PHACTR3: variants seen among roughly 807,000 people sequenced by gnomAD.
PHACTR3 encodes protein phosphatase 1, regulatory subunit 123.
A neutral mutation model predicts 66.8 loss-of-function variants in PHACTR3; 16 were observed. The observed-to-expected ratio is 0.24, with a 90% CI of 0.16 to 0.36. The LOEUF is 0.36. Among genes scored for constraint, PHACTR3 ranks in the 10% least tolerant of loss-of-function variants. The pLI is 1.00. For missense variants in PHACTR3, 647 were observed against 719.9 expected (o/e 0.90, Z 1.16); for synonymous variants, 323 against 292.1 (o/e 1.11, Z -1.08).
intron 1 of PHACTR3, among the ~76,000 whole-genome samples, chr20:59,667,283 G>A (rs1235804865): frequency 2.0e-5 from 3 of 152,256 alleles, no homozygotes; most frequent in African/African-American, 7.2e-5. Context: ...CCCAGTGGGC[G>A]TGGCTGGCCC....
At chr20:59,704,671 C>A (rs1379211107) in intron 1 of PHACTR3, among the ~76,000 whole-genome samples, 1 of 129,362 alleles carries the variant, frequency 7.7e-6, no homozygotes, top group East Asian at 2.3e-4. Context: ...TTTTATTTGT[C>A]TGGATCTGCC....
chr20:59,722,231 C>CA (rs1201824305), intron 1 of PHACTR3, among the ~76,000 whole-genome samples: 38 of 100,610 alleles, frequency 3.8e-4, no homozygotes, highest in East Asian at 2.4e-3. Context: ...GACTCTGTCT[C>CA]AAAAAAAAAA....
In PHACTR3 at chr20:59,793,251, G is replaced by A. The variant is rs186502316; in HGVS notation, c.1175-12790G>A. Among the ~76,000 whole-genome samples, 15 of 152,296 alleles carry A rather than the reference G, an allele frequency of 9.8e-5. No homozygotes were observed. In the East Asian group the frequency reaches 2.5e-3, roughly 25 times the overall value. ...TCCAGCTTCGTTCTTGCTCAAGATT[G>A]CTGTAAATATTCAGTGTCTTTTGTG... On this transcript the variant is annotated intron_variant, in intron 7 of 12. Coordinates refer to ENST00000371015, the MANE Select transcript of PHACTR3 (RefSeq NM_080672.5).
intron 1 of PHACTR3, among the ~76,000 whole-genome samples, chr20:59,723,326 A>G (rs1341206871): frequency 6.6e-6 from 1 of 151,846 alleles, no homozygotes; most frequent in Admixed American, 6.6e-5. Flanking sequence ...CCGTGAATCT[A>G]CTTTCTGTCT....
intron 7 of PHACTR3, among the ~76,000 whole-genome samples, chr20:59,778,900 G>C (rs2040628949): frequency 6.6e-6 from 1 of 152,212 alleles, no homozygotes; most frequent in Admixed American, 6.5e-5. Context: ...GAGAGTGGGG[G>C]AAGGTAGCAC....
intron 9 of PHACTR3, among the ~76,000 whole-genome samples, chr20:59,839,627 T>A (rs1354968814): frequency 6.6e-6 from 1 of 152,214 alleles, no homozygotes; most frequent in Non-Finnish European, 1.5e-5. Flanking sequence ...CGTTTTATAC[T>A]ATATCTCAGC....
chr20:59,654,015 G>T (rs920306304), intron 1 of PHACTR3, among the ~76,000 whole-genome samples: 5 of 152,252 alleles, frequency 3.3e-5, no homozygotes, highest in Admixed American at 6.5e-5. Context: ...AGCTATCAAA[G>T]GTTAATGAGA....
intron 8 of PHACTR3, among the ~76,000 whole-genome samples, chr20:59,824,597 C>T (rs2145436053): frequency 6.6e-6 from 1 of 152,318 alleles, no homozygotes; most frequent in South Asian, 2.1e-4. Context: ...AAGGCTCTGC[C>T]CTGTGCTTGG....
Position 59,727,667 on chromosome 20 carries a change from AC to A in PHACTR3, c.119-15439del, listed in dbSNP as rs148175924. Reference sequence around the variant, plus strand: ...ACTTTTCTCACCTGTTAAATGAGGTACTTATAAAGCCGAATAGCCTAATTCA... The same window carrying A: ...ACTTTTCTCACCTGTTAAATGAGGTATTATAAAGCCGAATAGCCTAATTCA... On this transcript the variant is annotated intron_variant, in intron 1 of 12. Coordinates refer to ENST00000371015, the MANE Select transcript of PHACTR3 (RefSeq NM_080672.5). Among the ~76,000 whole-genome samples the A allele has an allele frequency of 2.5e-3, 374 of 152,296 alleles. 7 individuals are homozygous for A. Among genetic ancestry groups the A allele is most frequent in the East Asian group, 0.018 (92 of 5,190 alleles).
At chr20:59,681,490 A>C (rs567296206) in intron 1 of PHACTR3, among the ~76,000 whole-genome samples, 1 of 152,340 alleles carries the variant, frequency 6.6e-6, no homozygotes, top group African/African-American at 2.4e-5. Flanking sequence ...TGAGTCTTCA[A>C]CATTTGCCTC....
chr20:59,740,527 G>GC (rs2039114556), intron 1 of PHACTR3, among the ~76,000 whole-genome samples: 1 of 151,218 alleles, frequency 6.6e-6, no homozygotes, highest in Non-Finnish European at 1.5e-5. Context: ...AAACTCTTGG[G>GC]ATCAAGGGAT....
At position 59,774,268 on chromosome 20, in the gene PHACTR3, T is replaced by C; in HGVS notation, c.952T>C (p.Ser318Pro). 6.2e-7 allele frequency: 1 copy of C among 1,603,138 alleles called. No homozygotes were observed. Among genetic ancestry groups the C allele is most frequent in the Non-Finnish European group, 8.5e-7 (1 of 1,175,576 alleles). The change falls in exon 7 of 13, where the codon TCT becomes CCT. Residue 318 changes from serine (S) to proline (P), a missense_variant. By Grantham distance (74) the Ser-to-Pro change is moderately conservative. This residue lies in a region of PHACTR3 where 577 missense variants were observed against 571.1 expected (regional missense o/e 1.01). Transcript: ENST00000371015. ...DSFQGRESKG[S>P]PKKRLDVRLS... ...TTTTCAAGGAAGAGAAAGTAAAGGGTCTCCAAAGAAGCGGCTGGATGTCCG... is the reference window on the plus strand; with the variant it reads ...TTTTCAAGGAAGAGAAAGTAAAGGGCCTCCAAAGAAGCGGCTGGATGTCCG...
At chr20:59,742,444 C>T (rs1257107657) in intron 1 of PHACTR3, among the ~76,000 whole-genome samples, 1 of 133,214 alleles carries the variant, frequency 7.5e-6, no homozygotes, top group African/African-American at 3.3e-5. Flanking sequence ...AGGAGCACTG[C>T]TTCCTCTGCC....
intron 1 of PHACTR3, among the ~76,000 whole-genome samples, chr20:59,704,562 CT>C (rs11331156): frequency 0.37 from 33,455 of 89,520 alleles, 3,876 homozygotes; most frequent in Middle Eastern, 0.44. Context: ...TGAGAATAGT[CT>C]TTTTTTTTTT....
intron 1 of PHACTR3, among the ~76,000 whole-genome samples, chr20:59,685,570 G>T (rs544915030): frequency 1.3e-5 from 2 of 152,166 alleles, no homozygotes; most frequent in Admixed American, 1.3e-4. Flanking sequence ...TCACTGCGCC[G>T]TTGCCATTTT....
intron 1 of PHACTR3, among the ~76,000 whole-genome samples, chr20:59,713,111 G>A (rs775098006): frequency 2.0e-5 from 3 of 152,220 alleles, no homozygotes; most frequent in East Asian, 1.9e-4. Flanking sequence ...TTGAATCAGG[G>A]TGGAGGTGGG....
intron 1 of PHACTR3, among the ~76,000 whole-genome samples, chr20:59,722,099 G>A (rs148982803): frequency 0.028 from 4,299 of 152,216 alleles, 132 homozygotes; most frequent in Admixed American, 0.098. Context: ...GGGTGTGGTG[G>A]CGGGCACCTG....
At chr20:59,673,322 A>G (rs1204866735) in intron 1 of PHACTR3, among the ~76,000 whole-genome samples, 3 of 152,182 alleles carry the variant, frequency 2.0e-5, no homozygotes, top group Non-Finnish European at 2.9e-5. Context: ...TAAGTTTTCA[A>G]TAAGACCTGG....
chr20:59,739,643 C>T (rs891204787), intron 1 of PHACTR3, among the ~76,000 whole-genome samples: 21 of 152,118 alleles, frequency 1.4e-4, no homozygotes, highest in African/African-American at 5.1e-4. Context: ...CCTCCCTGAT[C>T]CAATCACCTC....
Sources: allele counts gnomAD v4.1 joint callset (sites outside exome capture counted in the v4.1 genomes callset), GRCh38; gene constraint gnomAD v4.1.1; regional missense constraint gnomAD v4.1.1; transcripts MANE v1.5; gene names NCBI Gene and HGNC (gene_info 2026-07-23, HGNC 2026-07-21).